Variants in RNF216 observed in about 807,000 individuals in gnomAD.
The protein encoded by RNF216 is ring finger protein 216, also known as E3 ubiquitin-protein ligase RNF216.
RNF216 carries 72 observed loss-of-function variants against 110.8 expected under a neutral mutation model. The ratio of observed to expected loss-of-function variants is 0.65; its 90% CI spans 0.54 to 0.79. RNF216 has a LOEUF of 0.79. RNF216 is among the 30% of genes least tolerant of loss of function. The pLI, the probability that RNF216 is intolerant of heterozygous loss-of-function variation, is 0.00. For missense variants in RNF216, 1,342 were observed against 1,141.2 expected, an observed-to-expected ratio of 1.18 and a Z score of -2.54; for synonymous variants, 495 against 407.5, an observed-to-expected ratio of 1.21 and a Z score of -2.59.
chr7:5,651,351 C>A (rs903846910), intron 14 of RNF216, among the ~76,000 whole-genome samples: 4 of 152,032 alleles, frequency 2.6e-5, no homozygotes, highest in African/African-American at 9.7e-5. Context: ...CTTAGCCTCC[C>A]AAGTAGCTGG....
At chr7:5,675,667 C>G (rs1377475914) in intron 13 of RNF216, among the ~76,000 whole-genome samples, 1 of 151,424 alleles carries the variant, frequency 6.6e-6, no homozygotes, top group Non-Finnish European at 1.5e-5. Context: ...AACAAACGAA[C>G]AAAGGAGCAA....
chr7:5,689,983 C>T (rs1373419966), intron 13 of RNF216, among the ~76,000 whole-genome samples: 1 of 151,066 alleles, frequency 6.6e-6, no homozygotes, highest in Non-Finnish European at 1.5e-5. Context: ...GGGCAGGTAA[C>T]CCCCCTTATT....
intron 15 of RNF216, among the ~76,000 whole-genome samples, chr7:5,639,613 A>G (rs2128566121): frequency 6.6e-6 from 1 of 151,754 alleles, no homozygotes; most frequent in Non-Finnish European, 1.5e-5. Context: ...GGCATCCAAC[A>G]CCATGCCCGG....
intron 15 of RNF216, among the ~76,000 whole-genome samples, chr7:5,627,931 T>A (rs1786816482): frequency 6.6e-6 from 1 of 152,152 alleles, no homozygotes; most frequent in Non-Finnish European, 1.5e-5. Context: ...TAAATCCCAG[T>A]GCTCCTGAAT....
At chr7:5,750,096 T>G (rs1316850216) in intron 3 of RNF216, among the ~76,000 whole-genome samples, 2 of 152,264 alleles carry the variant, frequency 1.3e-5, no homozygotes, top group Non-Finnish European at 2.9e-5. Context: ...ATATCATTAT[T>G]TGCATATCTG....
chr7:5,687,923 GT>G, intron 13 of RNF216, among the ~76,000 whole-genome samples: 1 of 152,332 alleles, frequency 6.6e-6, no homozygotes, highest in South Asian at 2.1e-4. Flanking sequence ...GATTATGTAG[GT>G]CGTGTCCAGA....
At chr7:5,652,366 G>T (rs772002281) in intron 14 of RNF216, 47 bp downstream of exon 14, 1 of 1,346,146 alleles carries the variant, frequency 7.4e-7, no homozygotes. Context: ...CAGGTTAATG[G>T]GGAAGTTGAG....
At chr7:5,655,023 C>T (rs189996051) in intron 13 of RNF216, among the ~76,000 whole-genome samples, 61 of 152,316 alleles carry the variant, frequency 4.0e-4, no homozygotes, top group African/African-American at 1.3e-3. Context: ...CCAGCCCCTT[C>T]CAGGAGTAAC....
intron 14 of RNF216, among the ~76,000 whole-genome samples, chr7:5,646,041 G>C (rs1194314676): frequency 6.6e-6 from 1 of 152,144 alleles, no homozygotes; most frequent in Non-Finnish European, 1.5e-5. Flanking sequence ...TGTGTCCTCA[G>C]AGATGGTTTC....
Position 5,634,141 on chromosome 7 carries a change from T to C in RNF216, c.2382+7013A>G, listed in dbSNP as rs534439706. ...TTTACGGTCCTTTTGAGACTTTTTT[T>C]CCAACACTTCTGGTCCCCAGGGCTG... is the stretch of plus-strand genomic sequence containing the variant. On this transcript the variant is annotated intron_variant, in intron 15 of 16. Transcript: ENST00000389902. Among the ~76,000 whole-genome samples the C allele has an allele frequency of 1.2e-4, 18 of 152,338 alleles. No homozygotes were observed. In the East Asian group the frequency reaches 2.1e-3, roughly 18 times the overall value.
At chr7:5,715,328 T>C (rs1009407180) in intron 10 of RNF216, 138 bp from the exon 11 acceptor site, 3 of 728,844 alleles carry the variant, frequency 4.1e-6, no homozygotes, top group Non-Finnish European at 7.0e-6. Flanking sequence ...CATAAAACAA[T>C]GATATGCTGT....
At chr7:5,744,438 A>G (rs2128656805) in intron 3 of RNF216, among the ~76,000 whole-genome samples, 1 of 152,232 alleles carries the variant, frequency 6.6e-6, no homozygotes, top group East Asian at 1.9e-4. Flanking sequence ...TTTCTTTGGT[A>G]GAGGAGGAGG....
At chr7:5,741,905 G>A (rs1279814422) in intron 3 of RNF216, 90 bp from the exon 4 acceptor site, 6 of 1,383,062 alleles carry the variant, frequency 4.3e-6, no homozygotes, top group Admixed American at 4.9e-5. Flanking sequence ...GATAGGACAG[G>A]AAAGAAACAA....
At chr7:5,710,380 A>C (rs1792598925) in intron 13 of RNF216, among the ~76,000 whole-genome samples, 1 of 151,484 alleles carries the variant, frequency 6.6e-6, no homozygotes. Flanking sequence ...AACAAAAACA[A>C]AAACAAAAAA....
intron 6 of RNF216, among the ~76,000 whole-genome samples, chr7:5,730,131 A>G (rs1316808721): frequency 6.6e-6 from 1 of 152,242 alleles, no homozygotes; most frequent in Non-Finnish European, 1.5e-5. Context: ...TCAAAAGAAA[A>G]AAGATATTCC....
chr7:5,648,251 C>G (rs945297437), intron 14 of RNF216, among the ~76,000 whole-genome samples: 1 of 151,860 alleles, frequency 6.6e-6, no homozygotes, highest in Admixed American at 6.6e-5. Flanking sequence ...GCATTACAGG[C>G]ATGCACCACC....
intron 13 of RNF216, among the ~76,000 whole-genome samples, chr7:5,659,970 T>A (rs1225621650): frequency 6.6e-6 from 1 of 151,022 alleles, no homozygotes; most frequent in Non-Finnish European, 1.5e-5. Context: ...TTTTTTTTTT[T>A]TAGAGACAAG....
At chr7:5,729,689 T>C (rs1793974735) in intron 6 of RNF216, 93 bp from the exon 7 acceptor site, 1 of 1,088,404 alleles carries the variant, frequency 9.2e-7, no homozygotes, top group African/African-American at 1.6e-5. Context: ...TAGAAAAGAA[T>C]AACATTTGTT....
intron 15 of RNF216, among the ~76,000 whole-genome samples, chr7:5,639,407 CCTTT>C (rs957661793): frequency 2.0e-5 from 3 of 151,908 alleles, no homozygotes; most frequent in African/African-American, 7.3e-5. Context: ...CTTCTGTTTT[CCTTT>C]TTTTTTGAGA....
Sources: gnomAD v4.1 joint callset for allele counts (sites outside exome capture counted in the v4.1 genomes callset) on GRCh38, gnomAD v4.1.1 for gene constraint, MANE v1.5 for transcripts, NCBI Gene and HGNC (gene_info 2026-07-23, HGNC 2026-07-21) for gene names.